Variants in ZFPM2 observed in about 807,000 individuals in gnomAD.
ZFPM2 encodes zinc finger protein, FOG family member 2, also known as zinc finger protein ZFPM2.
A neutral mutation model predicts 98.6 loss-of-function variants in ZFPM2; 20 were observed. The ratio of observed to expected loss-of-function variants is 0.20; its 90% CI spans 0.14 to 0.29. ZFPM2 has a LOEUF of 0.29. ZFPM2 is among the 10% of genes least tolerant of loss of function. The pLI is 1.00. For synonymous variants in ZFPM2, 518 were observed against 502.7 expected (o/e 1.03, Z -0.41); for missense variants, 1,310 against 1,388.6 (o/e 0.94, Z 0.90).
chr8:105,348,882 C>T (rs967648853), intron 1 of ZFPM2, among the ~76,000 whole-genome samples: 2 of 152,180 alleles, frequency 1.3e-5, no homozygotes, highest in African/African-American at 4.8e-5. Context: ...TTGAACAGCA[C>T]ACACCGTACT....
At chr8:105,684,913 G>A (rs1218480187) in intron 5 of ZFPM2, 1 of 152,022 alleles carries the variant, frequency 6.6e-6, no homozygotes, top group Non-Finnish European at 1.5e-5. Flanking sequence ...GGACAAGTTT[G>A]TGATTCTTTA....
chr8:105,487,071 A>G (rs1329906935), intron 3 of ZFPM2, among the ~76,000 whole-genome samples: 1 of 151,970 alleles, frequency 6.6e-6, no homozygotes, highest in Non-Finnish European at 1.5e-5. Flanking sequence ...TTCTTAATTC[A>G]CCTTCTAAGT....
At chr8:105,517,707 C>CACCA (rs61552974) in intron 3 of ZFPM2, among the ~76,000 whole-genome samples, 100 of 124,980 alleles carry the variant, frequency 8.0e-4, no homozygotes, top group African/African-American at 2.2e-3. Context: ...CACACACACA[C>CACCA]CACACACACA....
intron 1 of ZFPM2, among the ~76,000 whole-genome samples, chr8:105,341,066 A>G (rs1356808327): frequency 6.6e-6 from 1 of 151,906 alleles, no homozygotes; most frequent in East Asian, 1.9e-4. Context: ...GGCCCAGCTG[A>G]ACCATATTAC....
At chr8:105,683,933 T>A (rs1810670873) in intron 5 of ZFPM2, among the ~76,000 whole-genome samples, 2 of 152,190 alleles carry the variant, frequency 1.3e-5, no homozygotes, top group South Asian at 4.1e-4. Flanking sequence ...ATGGCAGGTG[T>A]CTGTTAAATG....
chr8:105,798,627 G>A, intron 6 of ZFPM2, 97 bp from the exon 7 acceptor site: 1 of 995,096 alleles, frequency 1.0e-6, no homozygotes, highest in Non-Finnish European at 1.5e-6. Flanking sequence ...AAGAACCTGA[G>A]AGCGGAGTCT....
intron 4 of ZFPM2, among the ~76,000 whole-genome samples, chr8:105,595,219 G>A (rs920834874): frequency 6.6e-6 from 1 of 152,094 alleles, no homozygotes; most frequent in African/African-American, 2.4e-5. Context: ...TTTATTTATT[G>A]GTTCAGGACC....
chr8:105,547,369 C>T (rs1357625333), intron 3 of ZFPM2, among the ~76,000 whole-genome samples: 2 of 151,218 alleles, frequency 1.3e-5, no homozygotes, highest in Non-Finnish European at 2.9e-5. Context: ...ATGGTGAAAC[C>T]CTGTCTCTAC....
At chr8:105,707,521 C>T (rs1011880861) in intron 5 of ZFPM2, among the ~76,000 whole-genome samples, 1 of 152,134 alleles carries the variant, frequency 6.6e-6, no homozygotes, top group Non-Finnish European at 1.5e-5. Context: ...CAAGCTCTGT[C>T]CCTACCTTGT....
chr8:105,558,854 G>C (rs1253833955), intron 3 of ZFPM2, among the ~76,000 whole-genome samples: 3 of 152,080 alleles, frequency 2.0e-5, no homozygotes, highest in Non-Finnish European at 2.9e-5. Context: ...TTAGCTGAGA[G>C]ATTGAAATGT....
At chr8:105,491,015 A>G (rs1227012211) in intron 3 of ZFPM2, among the ~76,000 whole-genome samples, 2 of 152,206 alleles carry the variant, frequency 1.3e-5, no homozygotes, top group African/African-American at 2.4e-5. Context: ...TCTTGATATT[A>G]TGCAAACATC....
chr8:105,506,257 T>A (rs1378983938), intron 3 of ZFPM2, among the ~76,000 whole-genome samples: 1 of 152,194 alleles, frequency 6.6e-6, no homozygotes, highest in Admixed American at 6.5e-5. Context: ...CCTACTCCAC[T>A]GAAAATAATT....
At chr8:105,592,052 A>G (rs1815857188) in intron 4 of ZFPM2, among the ~76,000 whole-genome samples, 1 of 151,116 alleles carries the variant, frequency 6.6e-6, no homozygotes, top group Non-Finnish European at 1.5e-5. Context: ...ACAAGGCATT[A>G]TGAAAACCCT....
intron 5 of ZFPM2, among the ~76,000 whole-genome samples, chr8:105,713,922 A>T (rs1811460554): frequency 1.3e-5 from 2 of 151,938 alleles, no homozygotes; most frequent in South Asian, 2.1e-4. Flanking sequence ...TTTGCTTAGG[A>T]TTGCTTTGGC....
intron 4 of ZFPM2, among the ~76,000 whole-genome samples, chr8:105,619,924 T>C (rs1177688621): frequency 6.6e-6 from 1 of 152,172 alleles, no homozygotes; most frequent in Non-Finnish European, 1.5e-5. Context: ...CTTAATTCAG[T>C]CTATCATTGA....
At chr8:105,701,927 A>G (rs1811150058) in intron 5 of ZFPM2, among the ~76,000 whole-genome samples, 1 of 152,226 alleles carries the variant, frequency 6.6e-6, no homozygotes, top group Non-Finnish European at 1.5e-5. Context: ...CATCTTTTCT[A>G]GACTCTAGTT....
At chr8:105,575,069 T>C (rs1815435329) in intron 4 of ZFPM2, among the ~76,000 whole-genome samples, 1 of 152,046 alleles carries the variant, frequency 6.6e-6, no homozygotes, top group African/African-American at 2.4e-5. Context: ...CTTCAAAACT[T>C]TGTGAAAATG....
intron 5 of ZFPM2, among the ~76,000 whole-genome samples, chr8:105,746,203 T>C (rs1160409884): frequency 6.6e-6 from 1 of 151,850 alleles, no homozygotes; most frequent in East Asian, 1.9e-4. Flanking sequence ...AGAGCCCCAC[T>C]ACAAAATAAA....
chr8:105,473,136 A>G (rs1239321002), intron 3 of ZFPM2, among the ~76,000 whole-genome samples: 1 of 151,894 alleles, frequency 6.6e-6, no homozygotes, highest in Non-Finnish European at 1.5e-5. Flanking sequence ...TCCTGGCCTT[A>G]AGTGATCCTC....
Sources: allele counts gnomAD v4.1 joint callset (sites outside exome capture counted in the v4.1 genomes callset), GRCh38; gene constraint gnomAD v4.1.1; transcripts MANE v1.5; gene names NCBI Gene and HGNC (gene_info 2026-07-23, HGNC 2026-07-21).